The following ZFP64 variants were observed in gnomAD, a reference collection of about 807,000 sequenced individuals.
ZFP64 encodes the protein zinc finger protein 64.
In ZFP64, 14 loss-of-function variants were observed where a neutral mutation model predicts 51.6. That is an observed-to-expected ratio of 0.27 (90% confidence interval 0.18 to 0.42). The LOEUF (loss-of-function observed/expected upper bound fraction) is 0.42. ZFP64 is among the 10% of genes least tolerant of loss of function. The pLI is 1.00. For synonymous variants in ZFP64, 375 were observed against 361.4 expected (o/e 1.04, Z -0.43); for missense variants, 754 against 906.8 (o/e 0.83, Z 2.16).
intron 5 of ZFP64, among the ~76,000 whole-genome samples, chr20:52,104,104 A>T (rs905039110): frequency 1.3e-5 from 2 of 152,208 alleles, no homozygotes; most frequent in Non-Finnish European, 2.9e-5. Flanking sequence ...AAGGAAAGGT[A>T]TCAGCTAACC....
intron 2 of ZFP64, among the ~76,000 whole-genome samples, chr20:52,169,769 C>G (rs1164610358): frequency 6.6e-6 from 1 of 152,180 alleles, no homozygotes; most frequent in African/African-American, 2.4e-5. Context: ...TTAACGTAGT[C>G]CCAGCTGGGT....
At chr20:52,136,898 G>A (rs369766566) in intron 5 of ZFP64, among the ~76,000 whole-genome samples, 5 of 152,124 alleles carry the variant, frequency 3.3e-5, no homozygotes, top group South Asian at 2.1e-4. Flanking sequence ...CTGAATAGCC[G>A]GGACTACAGG....
At chr20:52,087,618 G>A (rs578214984) in intron 8 of ZFP64, among the ~76,000 whole-genome samples, 3 of 152,340 alleles carry the variant, frequency 2.0e-5, no homozygotes, top group South Asian at 4.1e-4. Flanking sequence ...AAAGTAGACT[G>A]GTTTAATGAT....
chr20:52,104,117 G>C (rs1412227729), intron 5 of ZFP64, among the ~76,000 whole-genome samples: 4 of 152,170 alleles, frequency 2.6e-5, no homozygotes, highest in Non-Finnish European at 5.9e-5. Context: ...AGCTAACCAC[G>C]GGGAGCTGGC....
exon 9 of ZFP64, chr20:52,084,955 T>G: frequency 6.2e-7 from 1 of 1,613,942 alleles, no homozygotes; most frequent in South Asian, 1.1e-5. Flanking sequence ...TGGACTCTGC[T>G]GTGCACGCGC....
At chr20:52,093,258 A>C (rs1430284680) in intron 7 of ZFP64, among the ~76,000 whole-genome samples, 1 of 152,138 alleles carries the variant, frequency 6.6e-6, no homozygotes, top group Non-Finnish European at 1.5e-5. Context: ...CTCCTGCCTC[A>C]GCCTCCTAAG....
At chr20:52,106,468 T>G (rs540107303) in intron 5 of ZFP64, among the ~76,000 whole-genome samples, 2 of 152,282 alleles carry the variant, frequency 1.3e-5, no homozygotes, top group South Asian at 4.1e-4. Context: ...ATCTGTATTT[T>G]TAACAGCGCC....
In ZFP64 at chr20:52,084,853, C is replaced by G. The variant is rs1251761233; in HGVS notation, c.1642G>C (p.Asp548His). ...GCCCGGTTCTCCGTCTTGGCCTCGT[C>G]CCTGTGCACCTTGTCGACGTGCTTG... is the stretch of plus-strand genomic sequence containing the variant. The change falls in exon 9 of 9, where the codon GAC becomes CAC. Residue 548 changes from aspartate (D) to histidine (H), a missense_variant. By Grantham distance (81) the Asp-to-His change is moderately conservative (BLOSUM62 -1). Transcript: ENST00000361387. 4.3e-6 allele frequency: 7 copies of G among 1,614,024 alleles called. No homozygotes were observed. The highest frequency in any genetic ancestry group is 1.3e-5 in the African/African-American group (1 of 75,072).
chr20:52,189,139 C>T (rs1286581180), intron 1 of ZFP64, among the ~76,000 whole-genome samples: 3 of 152,210 alleles, frequency 2.0e-5, no homozygotes, highest in African/African-American at 4.8e-5. Context: ...AGATGGCTCA[C>T]GCCTGTAACC....
chr20:52,179,792 T>G (rs1178174611), intron 2 of ZFP64, among the ~76,000 whole-genome samples: 1 of 152,162 alleles, frequency 6.6e-6, no homozygotes, highest in Non-Finnish European at 1.5e-5. Flanking sequence ...TTTGGGCTCA[T>G]GTTAGATGCT....
At chr20:52,089,049 G>C (rs370247593) in intron 7 of ZFP64, 13 of 519,852 alleles carry the variant, frequency 2.5e-5, no homozygotes, top group African/African-American at 2.5e-4. Flanking sequence ...TCTCCCCCTA[G>C]GCTGTTGGTC....
At chr20:52,142,385 C>G (rs1420123231) in intron 5 of ZFP64, among the ~76,000 whole-genome samples, 2 of 110,422 alleles carry the variant, frequency 1.8e-5, no homozygotes, top group Admixed American at 8.7e-5. Flanking sequence ...CAGACACACA[C>G]ACACACACAC....
At chr20:52,122,184 A>G (rs577933484) in intron 5 of ZFP64, among the ~76,000 whole-genome samples, 1 of 152,322 alleles carries the variant, frequency 6.6e-6, no homozygotes, top group African/African-American at 2.4e-5. Flanking sequence ...TCTACAGTAC[A>G]TGGACCAAGG....
At chr20:52,171,441 G>A (rs1009228192) in intron 2 of ZFP64, among the ~76,000 whole-genome samples, 2 of 152,168 alleles carry the variant, frequency 1.3e-5, no homozygotes, top group Non-Finnish European at 2.9e-5. Flanking sequence ...CTGTGTGTGC[G>A]TATGTGTGAG....
chr20:52,182,545 C>G (rs540667026), intron 2 of ZFP64, among the ~76,000 whole-genome samples: 34 of 152,212 alleles, frequency 2.2e-4, no homozygotes, highest in Non-Finnish European at 1.8e-4. Context: ...ATAGCAAAAC[C>G]CTATCTCTAT....
intron 4 of ZFP64, among the ~76,000 whole-genome samples, chr20:52,161,047 A>C (rs568323519): frequency 4.9e-4 from 75 of 152,244 alleles, no homozygotes; most frequent in African/African-American, 1.7e-3. Context: ...ATACCTGCAG[A>C]TGGTGGAGTC....
intron 5 of ZFP64, among the ~76,000 whole-genome samples, chr20:52,142,024 T>G (rs1401726871): frequency 2.6e-5 from 4 of 152,100 alleles, no homozygotes; most frequent in African/African-American, 9.7e-5. Flanking sequence ...CAGTGTGGAA[T>G]AGTAGACATT....
intron 5 of ZFP64, among the ~76,000 whole-genome samples, chr20:52,140,005 T>C (rs1237647364): frequency 6.6e-6 from 1 of 152,086 alleles, no homozygotes; most frequent in African/African-American, 2.4e-5. Flanking sequence ...ATTATATCTG[T>C]TATGGTGATC....
chr20:52,135,057 T>C (rs1478258872), intron 5 of ZFP64, among the ~76,000 whole-genome samples: 1 of 151,914 alleles, frequency 6.6e-6, no homozygotes, highest in East Asian at 1.9e-4. Context: ...AGAGACAGGG[T>C]TTCACCATGT....
Sources: allele counts gnomAD v4.1 joint callset (sites outside exome capture counted in the v4.1 genomes callset), GRCh38; gene constraint gnomAD v4.1.1; transcripts MANE v1.5; gene names NCBI Gene and HGNC (gene_info 2026-07-23, HGNC 2026-07-21).